Variants in CACNA1C observed in about 807,000 individuals in gnomAD.
The protein encoded by CACNA1C is voltage-dependent L-type calcium channel subunit alpha-1C.
CACNA1C carries 30 observed loss-of-function variants against 229.0 expected under a neutral mutation model. The ratio of observed to expected loss-of-function variants is 0.13; its 90% CI spans 0.10 to 0.18. The LOEUF (loss-of-function observed/expected upper bound fraction) is 0.18. CACNA1C is among the 10% of genes least tolerant of loss of function. CACNA1C has a pLI of 1.00. For missense variants in CACNA1C, 1,658 were observed against 2,845.0 expected, an observed-to-expected ratio of 0.58 and a Z score of 9.49; for synonymous variants, 1,114 against 1,132.5, an observed-to-expected ratio of 0.98 and a Z score of 0.33.
intron 3 of CACNA1C, among the ~76,000 whole-genome samples, chr12:2,442,669 C>T (rs1275407585): frequency 1.3e-5 from 2 of 152,158 alleles, no homozygotes; most frequent in Non-Finnish European, 2.9e-5. Context: ...TTAATTGGCT[C>T]ATGGTTCTGT....
chr12:2,609,992 G>T (rs1042486776), intron 27 of CACNA1C, among the ~76,000 whole-genome samples: 2 of 152,138 alleles, frequency 1.3e-5, no homozygotes, highest in African/African-American at 4.8e-5. Flanking sequence ...GGGCGTTGTG[G>T]CGTGTGCCTG....
intron 6 of CACNA1C, among the ~76,000 whole-genome samples, chr12:2,489,270 AT>A (rs1274553452): frequency 2.6e-5 from 4 of 152,204 alleles, no homozygotes; most frequent in Non-Finnish European, 4.4e-5. Context: ...CAGACTGTGA[AT>A]TTTATGTATC....
Position 2,649,173 on chromosome 12 carries a change from G to T in CACNA1C, c.3945+666G>T, listed in dbSNP as rs565597110. On this transcript the variant is annotated intron_variant, in intron 31 of 46. Transcript: ENST00000399655. The surrounding 1 kb of genome is among the most constrained non-coding windows in gnomAD (Gnocchi z 4.4). ...TGGAAGCAGAAAAACAAGCTCCGTTGATTGGACCACTCCTGTTGTAGGAGT... is the reference window on the plus strand; with the variant it reads ...TGGAAGCAGAAAAACAAGCTCCGTTTATTGGACCACTCCTGTTGTAGGAGT... Among the ~76,000 whole-genome samples the T allele has an allele frequency of 2.9e-4, 44 of 152,342 alleles. No homozygotes were observed. Among genetic ancestry groups the T allele is most frequent in the Middle Eastern group, 3.4e-3 (1 of 294 alleles).
In CACNA1C at chr12:2,180,320, G is replaced by C. The variant is rs77033332; in HGVS notation, c.477+59890G>C. 1.7e-3 allele frequency among the ~76,000 whole-genome samples: 255 copies of C among 152,374 alleles called. 2 individuals are homozygous for C. The highest frequency in any genetic ancestry group is 0.014 in the East Asian group (74 of 5,192). On this transcript the variant is annotated intron_variant, in intron 3 of 46. Coordinates refer to ENST00000399655, the MANE Select transcript of CACNA1C (RefSeq NM_000719.7). ...GTGGGGAAAGCATTAGGATACAGAG[G>C]CTCTGGTTCTTGTTCCTCCCTGGAA...
Position 2,633,570 on chromosome 12 carries a change from G to C in CACNA1C, c.3829-727G>C, listed in dbSNP as rs779762019. 6 of 987,742 alleles carry C rather than the reference G, an allele frequency of 6.1e-6. No homozygotes were observed. Among genetic ancestry groups the C allele is most frequent in the Non-Finnish European group, 9.9e-6 (6 of 608,934 alleles). The allele number at this position is 987,742 out of a possible 1,614,324, so 61.2% of individuals were successfully genotyped here. Reference sequence around the variant, plus strand: ...ATGATTCTGATGGTGGTGTTGCTCTGTTCTTGTCTGTCTAATATTCCTTTT... The same window carrying C: ...ATGATTCTGATGGTGGTGTTGCTCTCTTCTTGTCTGTCTAATATTCCTTTT... On this transcript the variant is annotated intron_variant, in intron 29 of 46. Coordinates refer to ENST00000399655, the MANE Select transcript of CACNA1C (RefSeq NM_000719.7). The surrounding 1 kb of genome is among the most constrained non-coding windows in gnomAD (Gnocchi z 5.8).
intron 3 of CACNA1C, among the ~76,000 whole-genome samples, chr12:2,158,158 C>G (rs1381758454): frequency 6.6e-6 from 1 of 152,118 alleles, no homozygotes; most frequent in Non-Finnish European, 1.5e-5. Flanking sequence ...AGTACATTTG[C>G]TAGAACAGAA....
chr12:2,585,235 T>A lies in CACNA1C; in HGVS notation c.2340-141T>A. 1.4e-6 allele frequency: 1 copy of A among 738,136 alleles called. No homozygotes were observed. Among genetic ancestry groups the A allele is most frequent in the Non-Finnish European group, 2.1e-6 (1 of 480,634 alleles). The allele number at this position is 738,136 out of a possible 1,614,324, so 45.7% of individuals were successfully genotyped here. A position where few individuals can be genotyped will look rare whatever the true frequency, so the allele number is the denominator to read the frequency against. On this transcript the variant is annotated intron_variant, in intron 16 of 46. Coordinates refer to ENST00000399655, the MANE Select transcript of CACNA1C (RefSeq NM_000719.7). The surrounding 1 kb of genome is among the most constrained non-coding windows in gnomAD (Gnocchi z 4.1). ...GTGACTGAGCTGCACACGAGAAGCG[T>A]CCTGGAGAAAGGAAGATGGACTCAG...
At chr12:2,232,991 A>G (rs1365321363) in intron 3 of CACNA1C, among the ~76,000 whole-genome samples, 1 of 151,964 alleles carries the variant, frequency 6.6e-6, no homozygotes, top group Non-Finnish European at 1.5e-5. Flanking sequence ...CACATCTTTT[A>G]TTTCCCCCTC....
At chr12:2,661,306 CACACACACAA>C (rs1416046017) in intron 34 of CACNA1C, among the ~76,000 whole-genome samples, 7 of 150,524 alleles carry the variant, frequency 4.7e-5, no homozygotes, top group East Asian at 3.9e-4. Flanking sequence ...CACACACACA[CACACACACAA>C]GATTTTTCTA....
chr12:2,058,564 A>C (rs1029040642), intron 1 of CACNA1C, among the ~76,000 whole-genome samples: 1 of 152,234 alleles, frequency 6.6e-6, no homozygotes, highest in Non-Finnish European at 1.5e-5. Context: ...GTTTTGCAAC[A>C]TATCAGGTGC....
intron 1 of CACNA1C, among the ~76,000 whole-genome samples, chr12:2,097,389 G>T (rs562946670): frequency 1.3e-5 from 2 of 151,844 alleles, no homozygotes; most frequent in Admixed American, 6.6e-5. Flanking sequence ...CTTGTGATCC[G>T]CCCGCCTCGA....
At position 2,646,762 on chromosome 12, in the gene CACNA1C, GAGAGAA is replaced by G. The variant is rs1293770832; in HGVS notation, c.3913-1707_3913-1702del. Among the ~76,000 whole-genome samples, 36 of 61,226 alleles carry G rather than the reference GAGAGAA, an allele frequency of 5.9e-4. No homozygotes were observed. Among genetic ancestry groups the G allele is most frequent in the African/African-American group, 2.7e-3 (33 of 12,326 alleles). The allele number at this position is 61,226 out of a possible 152,430, so 40.2% of individuals were successfully genotyped here. Reference sequence around the variant, plus strand: ...TGTGCATGCCTGTATGAGAGAGAGAGAGAGAAAGAGAGAGAGAGAGAGAGAGAGTGT... The same window carrying G: ...TGTGCATGCCTGTATGAGAGAGAGAGAGAGAGAGAGAGAGAGAGAGAGTGT... On this transcript the variant is annotated intron_variant, in intron 30 of 46. Coordinates refer to ENST00000399655, the MANE Select transcript of CACNA1C (RefSeq NM_000719.7). This position sits in a 1 kb window ranked among gnomAD's most constrained non-coding sequence, Gnocchi z 4.6.
intron 9 of CACNA1C, among the ~76,000 whole-genome samples, chr12:2,522,132 G>A (rs1222253795): frequency 6.6e-6 from 1 of 152,208 alleles, no homozygotes; most frequent in Non-Finnish European, 1.5e-5. Context: ...AGGTCGAAGA[G>A]CACGTCTTGG....
intron 5 of CACNA1C, among the ~76,000 whole-genome samples, chr12:2,472,653 G>A (rs1051819160): frequency 6.6e-6 from 1 of 151,446 alleles, no homozygotes; most frequent in Admixed American, 6.6e-5. Context: ...TTTTCAAATC[G>A]TTGTCTGCCA....
chr12:2,125,161 G>T (rs754238094), intron 3 of CACNA1C, among the ~76,000 whole-genome samples: 4 of 152,190 alleles, frequency 2.6e-5, no homozygotes, highest in Non-Finnish European at 4.4e-5. Flanking sequence ...AACCTGCTGA[G>T]AGTGGAGTCT....
At chr12:2,196,973 G>A (rs1270703513) in intron 3 of CACNA1C, among the ~76,000 whole-genome samples, 1 of 152,166 alleles carries the variant, frequency 6.6e-6, no homozygotes, top group East Asian at 1.9e-4. Flanking sequence ...TTTTGAGGAG[G>A]ACAGAACCTG....
Position 2,527,709 on chromosome 12 carries a change from G to GT in CACNA1C, c.1390+14726dup, listed in dbSNP as rs1244731547. On this transcript the variant is annotated intron_variant, in intron 9 of 46. Coordinates refer to ENST00000399655, the MANE Select transcript of CACNA1C (RefSeq NM_000719.7). ...TAAGGTCAGCTGGGTCCAGCTTTGA[G>GT]TAAAAAGCTTGGCATGATGCTTGCT... Among the ~76,000 whole-genome samples the GT allele has an allele frequency of 2.2e-4, 34 of 152,204 alleles. 1 individual carries two copies. The highest frequency in any genetic ancestry group is 8.2e-4 in the African/African-American group (34 of 41,460).
chr12:2,198,146 C>G (rs576251865), intron 3 of CACNA1C, among the ~76,000 whole-genome samples: 1 of 152,348 alleles, frequency 6.6e-6, no homozygotes, highest in African/African-American at 2.4e-5. Context: ...GCATCCAAAG[C>G]TGTAGCACAG....
At chr12:2,218,929 T>C (rs943047320) in intron 3 of CACNA1C, among the ~76,000 whole-genome samples, 2 of 152,170 alleles carry the variant, frequency 1.3e-5, no homozygotes, top group African/African-American at 4.8e-5. Context: ...GTTCAGCCTC[T>C]GAAATGCCTT....
Sources: allele counts gnomAD v4.1 joint callset (sites outside exome capture counted in the v4.1 genomes callset), GRCh38; gene constraint gnomAD v4.1.1; non-coding constraint Gnocchi (gnomAD v3.1); transcripts MANE v1.5; gene names NCBI Gene and HGNC (gene_info 2026-07-23, HGNC 2026-07-21).